The following NEK7 variants were observed in gnomAD, a reference collection of about 807,000 sequenced individuals.
NEK7 encodes NIMA related kinase 7.
NEK7 carries 18 observed loss-of-function variants against 44.6 expected under a neutral mutation model. The observed-to-expected ratio is 0.40, with a 90% CI of 0.28 to 0.60. The LOEUF (loss-of-function observed/expected upper bound fraction) is 0.60, where lower values mean the gene tolerates loss of function less well. Ranked by LOEUF, NEK7 falls within the 20% of genes least tolerant of loss-of-function variation. NEK7 has a pLI of 0.38. For synonymous variants in NEK7, 130 were observed against 121.1 expected, an observed-to-expected ratio of 1.07 and a Z score of -0.48; for missense variants, 256 against 366.5, an observed-to-expected ratio of 0.70 and a Z score of 2.46.
chr1:198,281,265 T>G (rs2102986762), intron 7 of NEK7, among the ~76,000 whole-genome samples: 1 of 152,236 alleles, frequency 6.6e-6, no homozygotes, highest in Non-Finnish European at 1.5e-5. Context: ...TATGTTGTCA[T>G]ATATTTTTAA....
intron 3 of NEK7, 80 bp downstream of exon 3, chr1:198,253,260 TTGGGTACTG>T (rs1653136497): frequency 1.1e-6 from 1 of 918,052 alleles, no homozygotes. Context: ...TCCTGAATGA[TTGGGTACTG>T]ATAGCCTTAA....
intron 1 of NEK7, among the ~76,000 whole-genome samples, chr1:198,224,865 A>C (rs1005731656): frequency 6.6e-6 from 1 of 152,144 alleles, no homozygotes. Flanking sequence ...ATGGTGATAC[A>C]TGTAGAAATA....
intron 7 of NEK7, among the ~76,000 whole-genome samples, chr1:198,281,840 A>C (rs983618105): frequency 6.6e-6 from 1 of 152,064 alleles, no homozygotes; most frequent in Non-Finnish European, 1.5e-5. Context: ...TAATAAATCA[A>C]CATACAATAA....
chr1:198,192,338 T>C (rs546371697), intron 1 of NEK7, among the ~76,000 whole-genome samples: 1 of 152,056 alleles, frequency 6.6e-6, no homozygotes, highest in East Asian at 1.9e-4. Context: ...TTAATTTTTT[T>C]TTTTAAAGAA....
chr1:198,225,564 C>A (rs1225023059), intron 1 of NEK7, among the ~76,000 whole-genome samples: 1 of 152,130 alleles, frequency 6.6e-6, no homozygotes, highest in Non-Finnish European at 1.5e-5. Context: ...CTACTTAAAA[C>A]CTAACAATAC....
At chr1:198,251,113 C>A (rs1453536363) in intron 2 of NEK7, among the ~76,000 whole-genome samples, 1 of 151,754 alleles carries the variant, frequency 6.6e-6, no homozygotes, top group East Asian at 2.0e-4. Flanking sequence ...TTGTCAAAGG[C>A]CTTTTCTGCA....
At chr1:198,216,468 A>G (rs116681101) in intron 1 of NEK7, among the ~76,000 whole-genome samples, 131 of 152,188 alleles carry the variant, frequency 8.6e-4, no homozygotes, top group African/African-American at 3.1e-3. Flanking sequence ...CTAAATATCT[A>G]TATCAAAAAG....
At chr1:198,251,422 T>G (rs901430316) in intron 2 of NEK7, among the ~76,000 whole-genome samples, 5 of 131,244 alleles carry the variant, frequency 3.8e-5, no homozygotes, top group Non-Finnish European at 7.8e-5. Context: ...TCTCTTTTTC[T>G]GTTGATTGGA....
chr1:198,160,946 G>T (rs1012046796), intron 1 of NEK7, among the ~76,000 whole-genome samples: 3 of 152,118 alleles, frequency 2.0e-5, no homozygotes, highest in Non-Finnish European at 4.4e-5. Context: ...ATGCTTTTCA[G>T]TGGGCAGTGG....
intron 1 of NEK7, among the ~76,000 whole-genome samples, chr1:198,187,660 G>A (rs1433947117): frequency 1.3e-5 from 2 of 152,120 alleles, no homozygotes; most frequent in Non-Finnish European, 2.9e-5. Context: ...GAGCAACAGG[G>A]ACAACAACTG....
At chr1:198,309,902 A>C (rs567307931) in intron 9 of NEK7, among the ~76,000 whole-genome samples, 25 of 152,188 alleles carry the variant, frequency 1.6e-4, no homozygotes, top group Non-Finnish European at 3.1e-4. Flanking sequence ...CGCAATAAAC[A>C]TAAGTGTGCA....
At chr1:198,264,353 T>C in intron 5 of NEK7, 118 bp downstream of exon 5, 1 of 678,570 alleles carries the variant, frequency 1.5e-6, no homozygotes, top group East Asian at 3.0e-5. Context: ...GCAAAGCTTA[T>C]CTGATAGATA....
At chr1:198,253,272 A>G (rs985992010) in intron 3 of NEK7, 92 bp downstream of exon 3, 3 of 800,618 alleles carry the variant, frequency 3.7e-6, no homozygotes, top group Admixed American at 5.2e-5. Context: ...GGGTACTGAT[A>G]GCCTTAAGTT....
intron 7 of NEK7, among the ~76,000 whole-genome samples, chr1:198,290,032 C>G (rs1186304026): frequency 6.6e-6 from 1 of 152,060 alleles, no homozygotes; most frequent in African/African-American, 2.4e-5. Context: ...TACCAGTTTT[C>G]CTCTAATGTC....
At chr1:198,313,607 C>A (rs540510648) in intron 9 of NEK7, among the ~76,000 whole-genome samples, 91 of 136,982 alleles carry the variant, frequency 6.6e-4, no homozygotes, top group Non-Finnish European at 1.2e-3. Context: ...TTAGTGCTTC[C>A]TTCAGGAGCT....
chr1:198,183,640 C>CT (rs1201326524), intron 1 of NEK7, among the ~76,000 whole-genome samples: 7 of 151,130 alleles, frequency 4.6e-5, no homozygotes, highest in East Asian at 1.9e-4. Flanking sequence ...ATTTCTGCTG[C>CT]TTTTTTTTTG....
intron 1 of NEK7, among the ~76,000 whole-genome samples, chr1:198,209,399 C>G (rs1037812298): frequency 6.6e-6 from 1 of 151,994 alleles, no homozygotes; most frequent in African/African-American, 2.4e-5. Context: ...ATGTTTATCC[C>G]TGTTCCAAGC....
rs1654738882 is a variant in NEK7, at chr1:198,297,155, G to A, written c.713G>A (p.Gly238Asp). 6.2e-7 allele frequency: 1 copy of A among 1,612,990 alleles called. No individual in the cohort carries two copies. The highest frequency in any genetic ancestry group is 1.3e-5 in the African/African-American group (1 of 74,974). The change falls in exon 9 of 10, where the codon GGT becomes GAT. Residue 238 changes from glycine to aspartate, a missense_variant. Transcript: ENST00000367385. ...GCTGCATTACAAAGTCCTTTCTATG[G>A]TGACAAAATGAATTTATACTCACTG... ...EMAALQSPFY[G>D]DKMNLYSLCK...
chr1:198,245,717 G>C (rs1418505130), intron 2 of NEK7, among the ~76,000 whole-genome samples: 1 of 151,980 alleles, frequency 6.6e-6, no homozygotes, highest in African/African-American at 2.4e-5. Context: ...AAACAAAGTG[G>C]GTTTTTACTT....
Sources: gnomAD v4.1 joint callset for allele counts (sites outside exome capture counted in the v4.1 genomes callset) on GRCh38, gnomAD v4.1.1 for gene constraint, MANE v1.5 for transcripts, NCBI Gene and HGNC (gene_info 2026-07-23, HGNC 2026-07-21) for gene names.